Variants in ABCC2 observed in about 807,000 individuals in gnomAD.
The protein encoded by ABCC2 is ATP-binding cassette sub-family C member 2.
Under a neutral mutation model 173.4 loss-of-function variants are expected in ABCC2, and 157 were observed. The observed-to-expected ratio is 0.91, with a 90% CI of 0.80 to 1.03. The LOEUF (loss-of-function observed/expected upper bound fraction) is 1.03. Among genes scored for constraint, ABCC2 ranks in the 50% least tolerant of loss-of-function variants. The pLI is 0.00. For synonymous variants in ABCC2, 657 were observed against 693.5 expected (o/e 0.95, Z 0.83); for missense variants, 1,822 against 1,852.3 (o/e 0.98, Z 0.30).
In ABCC2 at chr10:99,793,505, G is replaced by A. The variant is rs199826869; in HGVS notation, c.334-46G>A. 1,907 of 1,612,842 alleles carry A rather than the reference G, an allele frequency of 1.2e-3. 39 individuals carry two copies. Among genetic ancestry groups the A allele is most frequent in the South Asian group, 0.012 (1,055 of 90,938 alleles). ...TGACATCCTTCTCCCCTCAGTCCTCGGTTAGTGGCAGTATTCTTCAGAACA... is the reference window on the plus strand; with the variant it reads ...TGACATCCTTCTCCCCTCAGTCCTCAGTTAGTGGCAGTATTCTTCAGAACA... On this transcript the variant is annotated intron_variant, in intron 3 of 31. Coordinates refer to ENST00000647814, the MANE Select transcript of ABCC2 (RefSeq NM_000392.5).
intron 16 of ABCC2, among the ~76,000 whole-genome samples, chr10:99,814,190 CACATGT>C (rs2038284718): frequency 1.1e-5 from 1 of 88,776 alleles, no homozygotes; most frequent in African/African-American, 4.1e-5. Flanking sequence ...TATGTATACA[CACATGT>C]GTATATATAC....
rs754191268 is a variant in ABCC2, at chr10:99,811,582, T to C, written c.1947T>C (p.Asp649=). The change falls in exon 15 of 32, where the codon GAT becomes GAC. Residue 649 remains aspartate (D), a synonymous_variant. Transcript: ENST00000647814. ...AGGCCTCCTTTACCTGGGAACATGA[T>C]TCGGAAGCCACAGTCCGAGAGTGAG... is the stretch of plus-strand genomic sequence containing the variant. The part of the protein sequence containing the change: ...FSEASFTWEH[D]SEATVRDVNL... 2 of 1,614,120 alleles carry C rather than the reference T, an allele frequency of 1.2e-6. No homozygotes were observed. The highest frequency in any genetic ancestry group is 2.2e-5 in the South Asian group (2 of 91,072).
chr10:99,843,727 G>A, intron 26 of ABCC2, 72 bp from the exon 27 acceptor site: 1 of 1,285,220 alleles, frequency 7.8e-7, no homozygotes, highest in African/African-American at 1.5e-5. Context: ...GCACTGGATT[G>A]TCCTTGTGGT....
At chr10:99,831,552 T>C in intron 21 of ABCC2, 59 bp from the exon 22 acceptor site, 1 of 1,528,660 alleles carries the variant, frequency 6.5e-7, no homozygotes, top group South Asian at 1.1e-5. Flanking sequence ...GCATTCTAGG[T>C]GATTCCTTAT....
At chr10:99,805,307 C>T (rs2038081190) in intron 10 of ABCC2, 75 bp from the exon 11 acceptor site, 1 of 1,337,920 alleles carries the variant, frequency 7.5e-7, no homozygotes, top group Non-Finnish European at 1.1e-6. Flanking sequence ...AGCAGTGAGG[C>T]CTGATGTCTG....
intron 28 of ABCC2, 120 bp downstream of exon 28, chr10:99,844,585 A>AGAGGAAGTGCCCTGAC: frequency 7.5e-7 from 1 of 1,338,898 alleles, no homozygotes; most frequent in Non-Finnish European, 1.1e-6. Flanking sequence ...GGGTCAGGGC[A>AGAGGAAGTGCCCTGAC]CTTCCTCTGC....
At chr10:99,804,537 T>C (rs1020200142) in intron 10 of ABCC2, among the ~76,000 whole-genome samples, 1 of 152,158 alleles carries the variant, frequency 6.6e-6, no homozygotes, top group African/African-American at 2.4e-5. Flanking sequence ...CTGCACATAA[T>C]TCTTCCATCT....
chr10:99,807,610 G>A, intron 12 of ABCC2, 89 bp downstream of exon 12: 1 of 1,573,416 alleles, frequency 6.4e-7, no homozygotes, highest in Non-Finnish European at 8.7e-7. Flanking sequence ...TAGACTAGCT[G>A]GCATCTCTAG....
chr10:99,788,076 A>G (rs200156692), intron 2 of ABCC2, among the ~76,000 whole-genome samples: 4 of 144,298 alleles, frequency 2.8e-5, no homozygotes, highest in Admixed American at 1.4e-4. Flanking sequence ...CAAAAAAAAA[A>G]AGAAAAAAAA....
Position 99,842,086 on chromosome 10 carries a change from C to T in ABCC2, c.3734C>T (p.Ala1245Val), listed in dbSNP as rs2038957078. ...GDTVGFVLSNALNITQTLNWL... is the reference protein window; with the variant it reads ...GDTVGFVLSNVLNITQTLNWL... ...ACTGTTGGCTTTGTTCTGTCCAATG[C>T]ACTCAATGTGAGTTTGAAGGTTGGG... Residue 1245 changes from alanine (A) to valine (V), a missense_variant, in exon 26 of 32, where the codon GCA becomes GTA. Physicochemically the swap from Ala to Val is moderately conservative, Grantham distance 64 (BLOSUM62 0). Coordinates refer to ENST00000647814, the MANE Select transcript of ABCC2 (RefSeq NM_000392.5). 2 of 1,614,154 alleles carry T rather than the reference C, an allele frequency of 1.2e-6. No individual in the cohort carries two copies. The highest frequency in any genetic ancestry group is 1.1e-5 in the South Asian group (1 of 91,080).
In ABCC2 at chr10:99,836,197, G is replaced by A. The variant is rs139188247; in HGVS notation, c.3521G>A (p.Arg1174His). The part of the protein sequence containing the change: ...SETVSGLPVI[R>H]AFEHQQRFLK... ...ACCGTATCAGGTTTGCCAGTTATCC[G>A]TGCCTTTGAGCACCAGCAGCGATTT... Residue 1174 changes from arginine to histidine, a missense_variant, in exon 25 of 32, where the codon CGT becomes CAT. By Grantham distance (29) the Arg-to-His change is conservative (BLOSUM62 0). Transcript: ENST00000647814. The A allele has an allele frequency of 1.1e-4, 179 of 1,614,066 alleles. 1 individual carries two copies. The African/African-American group carries it at 1.5e-3, about 13-fold the overall frequency.
intron 9 of ABCC2, among the ~76,000 whole-genome samples, chr10:99,801,123 A>G (rs1269559600): frequency 6.6e-6 from 1 of 152,174 alleles, no homozygotes; most frequent in Non-Finnish European, 1.5e-5. Flanking sequence ...TTCAGTTTGT[A>G]AATACATTCA....
intron 16 of ABCC2, 115 bp downstream of exon 16, chr10:99,813,259 C>G: frequency 1.5e-6 from 2 of 1,360,266 alleles, no homozygotes; most frequent in South Asian, 1.3e-5. Context: ...TGGAGACATC[C>G]GATAGATTTG....
chr10:99,784,911 G>A, intron 2 of ABCC2, 130 bp downstream of exon 2: 2 of 1,173,256 alleles, frequency 1.7e-6, no homozygotes, highest in South Asian at 1.3e-5. Context: ...GGTAGAGCCA[G>A]GCTCAAGGTT....
intron 8 of ABCC2, among the ~76,000 whole-genome samples, chr10:99,799,986 C>G (rs2037985558): frequency 6.6e-6 from 1 of 152,148 alleles, no homozygotes; most frequent in South Asian, 2.1e-4. Context: ...AAGATTGTTT[C>G]AGGCCAGGAG....
At chr10:99,832,512 G>T (rs1451166152) in intron 23 of ABCC2, among the ~76,000 whole-genome samples, 1 of 152,230 alleles carries the variant, frequency 6.6e-6, no homozygotes, top group Non-Finnish European at 1.5e-5. Context: ...AGTCATAGAA[G>T]CAAGCCAGGG....
chr10:99,811,423 G>C, intron 14 of ABCC2, 113 bp from the exon 15 acceptor site: 3 of 1,050,340 alleles, frequency 2.9e-6, no homozygotes, highest in Non-Finnish European at 4.5e-6. Flanking sequence ...GTAGGAGCCA[G>C]CACTTAGCAG....
chr10:99,821,853 G>A (rs1007340768), intron 19 of ABCC2, among the ~76,000 whole-genome samples: 3 of 151,930 alleles, frequency 2.0e-5, no homozygotes, highest in African/African-American at 7.3e-5. Flanking sequence ...CGTTCTCGAT[G>A]GTCGCTGTCT....
chr10:99,822,723 G>A (rs2038559048), intron 19 of ABCC2, among the ~76,000 whole-genome samples: 1 of 152,126 alleles, frequency 6.6e-6, no homozygotes, highest in Non-Finnish European at 1.5e-5. Context: ...TAGAGTGCTA[G>A]ATTAAGTTGC....
Sources: allele counts gnomAD v4.1 joint callset (sites outside exome capture counted in the v4.1 genomes callset), GRCh38; gene constraint gnomAD v4.1.1; transcripts MANE v1.5; gene names NCBI Gene and HGNC (gene_info 2026-07-23, HGNC 2026-07-21).